SLC39A11: variants seen among roughly 807,000 people sequenced by gnomAD.
SLC39A11 encodes zinc transporter ZIP11.
In SLC39A11, 33 loss-of-function variants were observed where a neutral mutation model predicts 36.1. The observed-to-expected ratio is 0.91, with a 90% CI of 0.69 to 1.22. SLC39A11 has a LOEUF of 1.22. Ranked by LOEUF, SLC39A11 falls within the 50% of genes most tolerant of loss-of-function variation. SLC39A11 has a pLI of 0.00. For synonymous variants in SLC39A11, 166 were observed against 170.3 expected (o/e 0.97, Z 0.20); for missense variants, 432 against 430.3 (o/e 1.00, Z -0.03).
intron 6 of SLC39A11, among the ~76,000 whole-genome samples, chr17:72,764,949 C>G (rs969107091): frequency 6.6e-6 from 1 of 152,202 alleles, no homozygotes; most frequent in Non-Finnish European, 1.5e-5. Flanking sequence ...TCCATCTCTC[C>G]TACAACCTCC....
chr17:73,012,360 T>C (rs1227384347), intron 4 of SLC39A11, among the ~76,000 whole-genome samples: 2 of 152,196 alleles, frequency 1.3e-5, no homozygotes, highest in African/African-American at 2.4e-5. Context: ...CCATTTTCCA[T>C]GATGTGATCG....
intron 6 of SLC39A11, among the ~76,000 whole-genome samples, chr17:72,747,712 A>G (rs186745209): frequency 2.0e-5 from 3 of 152,304 alleles, no homozygotes; most frequent in African/African-American, 7.2e-5. Context: ...ATTTGCTGAT[A>G]ACCCTGCATG....
intron 4 of SLC39A11, among the ~76,000 whole-genome samples, chr17:73,014,547 T>C (rs1461748267): frequency 1.3e-5 from 2 of 152,208 alleles, no homozygotes; most frequent in East Asian, 1.9e-4. Flanking sequence ...ATCCCAGCTA[T>C]TCAGGAGACT....
At chr17:72,838,026 A>G in intron 6 of SLC39A11, 1 of 1,220,032 alleles carries the variant, frequency 8.2e-7, no homozygotes, top group South Asian at 4.2e-5. Flanking sequence ...GCTTACACCT[A>G]TAATCTCAGC....
chr17:72,691,073 C>T (rs2072005514), intron 7 of SLC39A11, among the ~76,000 whole-genome samples: 1 of 152,164 alleles, frequency 6.6e-6, no homozygotes, highest in Admixed American at 6.5e-5. Flanking sequence ...TGATTCCATA[C>T]ATGGAGTCTG....
At chr17:72,835,364 G>A (rs2078481334) in intron 6 of SLC39A11, among the ~76,000 whole-genome samples, 1 of 152,220 alleles carries the variant, frequency 6.6e-6, no homozygotes, top group African/African-American at 2.4e-5. Context: ...AAAGCAAGTT[G>A]AAGGCAAAAG....
intron 2 of SLC39A11, among the ~76,000 whole-genome samples, chr17:73,085,421 G>A (rs2060694315): frequency 6.6e-6 from 1 of 151,976 alleles, no homozygotes; most frequent in African/African-American, 2.4e-5. Flanking sequence ...CAAGGCAGGT[G>A]GATCACCTGA....
intron 4 of SLC39A11, among the ~76,000 whole-genome samples, chr17:72,950,716 C>T (rs968862323): frequency 2.1e-4 from 32 of 152,166 alleles, no homozygotes; most frequent in African/African-American, 6.3e-4. Context: ...AGCATTAATA[C>T]GCATTAAGCT....
chr17:72,778,037 TG>T (rs1194290184), intron 6 of SLC39A11, among the ~76,000 whole-genome samples: 1 of 152,088 alleles, frequency 6.6e-6, no homozygotes, highest in Non-Finnish European at 1.5e-5. Context: ...CCTGAATAGC[TG>T]GGATTACAGG....
At chr17:72,787,906 T>C (rs567948918) in intron 6 of SLC39A11, among the ~76,000 whole-genome samples, 2 of 152,306 alleles carry the variant, frequency 1.3e-5, no homozygotes, top group East Asian at 1.9e-4. Context: ...TGAGCTCTCA[T>C]AGCACCGTGG....
intron 3 of SLC39A11, among the ~76,000 whole-genome samples, chr17:73,043,638 G>T (rs1347972285): frequency 6.6e-6 from 1 of 152,064 alleles, no homozygotes; most frequent in African/African-American, 2.4e-5. Flanking sequence ...TGGGGAGATG[G>T]GACACCAACA....
intron 4 of SLC39A11, among the ~76,000 whole-genome samples, chr17:73,013,689 G>A (rs1475747269): frequency 3.7e-5 from 2 of 53,402 alleles, no homozygotes; most frequent in Admixed American, 2.1e-4. Flanking sequence ...ATGAGGTTTT[G>A]TGATTTTTTT....
At chr17:72,835,042 C>T (rs939201777) in intron 6 of SLC39A11, among the ~76,000 whole-genome samples, 2 of 152,210 alleles carry the variant, frequency 1.3e-5, no homozygotes, top group African/African-American at 2.4e-5. Context: ...GCCCTCTGGG[C>T]GTTGGTGCCA....
intron 4 of SLC39A11, among the ~76,000 whole-genome samples, chr17:72,969,886 C>G (rs1220598563): frequency 1.3e-5 from 2 of 152,144 alleles, no homozygotes; most frequent in African/African-American, 4.8e-5. Flanking sequence ...ATATTCTGCC[C>G]AAGCCTGGCA....
intron 7 of SLC39A11, among the ~76,000 whole-genome samples, chr17:72,691,755 C>T (rs1389481977): frequency 6.6e-6 from 1 of 152,004 alleles, no homozygotes; most frequent in Non-Finnish European, 1.5e-5. Flanking sequence ...AGATGACTTT[C>T]ATTTGGGAAT....
At chr17:73,042,330 C>G (rs928842343) in intron 3 of SLC39A11, among the ~76,000 whole-genome samples, 3 of 152,156 alleles carry the variant, frequency 2.0e-5, no homozygotes, top group African/African-American at 7.2e-5. Flanking sequence ...TAAAAAGGTA[C>G]ACAGAGGTAG....
intron 4 of SLC39A11, among the ~76,000 whole-genome samples, chr17:72,977,348 C>T (rs1004318563): frequency 2.0e-5 from 3 of 152,156 alleles, no homozygotes; most frequent in African/African-American, 7.2e-5. Flanking sequence ...GATGAGAACA[C>T]GACCGGCTGA....
rs116551787 is a variant in SLC39A11 at position 72,797,086 on chromosome 17, G to A, written c.601+52548C>T. 2.5e-3 allele frequency among the ~76,000 whole-genome samples: 385 copies of A among 152,198 alleles called. 3 individuals are homozygous for A. Among genetic ancestry groups the A allele is most frequent in the African/African-American group, 8.6e-3 (358 of 41,496 alleles). On this transcript the variant is annotated intron_variant, in intron 6 of 9. Coordinates refer to ENST00000255559, the MANE Select transcript of SLC39A11 (RefSeq NM_139177.4). The stretch of plus-strand genomic sequence containing the variant: ...TAGCTTGAAAGTGCCTGTGTGTGAG[G>A]AGCGTGTATCTCACACATTGTTCCA...
chr17:72,815,847 G>A (rs548983156), intron 6 of SLC39A11, among the ~76,000 whole-genome samples: 1 of 152,204 alleles, frequency 6.6e-6, no homozygotes, highest in African/African-American at 2.4e-5. Context: ...CTTGAACCTG[G>A]GAGGTGGAGG....
Sources: allele counts gnomAD v4.1 joint callset (sites outside exome capture counted in the v4.1 genomes callset), GRCh38; gene constraint gnomAD v4.1.1; transcripts MANE v1.5; gene names NCBI Gene and HGNC (gene_info 2026-07-23, HGNC 2026-07-21).